PCDH9: variants seen among roughly 807,000 people sequenced by gnomAD.
PCDH9 encodes protocadherin 9, also known as protocadherin-9.
In PCDH9, 24 loss-of-function variants were observed where a neutral mutation model predicts 70.6. The ratio of observed to expected loss-of-function variants is 0.34; its 90% confidence interval spans 0.25 to 0.48. The LOEUF is 0.48. PCDH9 is among the 20% of genes least tolerant of loss of function. PCDH9 has a pLI of 0.99. For synonymous variants in PCDH9, 562 were observed against 558.5 expected (o/e 1.01, Z -0.09); for missense variants, 1,281 against 1,503.6 (o/e 0.85, Z 2.45).
intron 4 of PCDH9, among the ~76,000 whole-genome samples, chr13:66,477,457 T>C (rs2138499764): frequency 6.6e-6 from 1 of 152,256 alleles, no homozygotes; most frequent in South Asian, 2.1e-4. Flanking sequence ...TATATGATAT[T>C]TGAGATGAAC....
At chr13:66,751,259 T>C (rs1230463522) in intron 3 of PCDH9, among the ~76,000 whole-genome samples, 1 of 152,096 alleles carries the variant, frequency 6.6e-6, no homozygotes, top group Non-Finnish European at 1.5e-5. Flanking sequence ...TGCCCCTGGC[T>C]CAATTCTTCT....
rs993275500 is a variant in PCDH9 at position 66,736,694 on chromosome 13, C to A, written c.3139-105283G>T. Reference sequence around the variant, plus strand: ...TGGTCATTGCAACATTTTTAAATGTCCTCAAGCATGGATTTCATAATATGA... The same window carrying A: ...TGGTCATTGCAACATTTTTAAATGTACTCAAGCATGGATTTCATAATATGA... On this transcript the variant is annotated intron_variant, in intron 3 of 4. Transcript: ENST00000377865. Among the ~76,000 whole-genome samples the A allele has an allele frequency of 2.6e-5, 4 of 152,188 alleles. No individual in the cohort carries two copies. In the East Asian group the frequency reaches 7.7e-4, roughly 29 times the overall value.
At chr13:67,086,684 A>C (rs191684997) in intron 2 of PCDH9, among the ~76,000 whole-genome samples, 1 of 152,210 alleles carries the variant, frequency 6.6e-6, no homozygotes, top group East Asian at 1.9e-4. Flanking sequence ...TAGTGAAGGC[A>C]AAGTCATCAA....
intron 3 of PCDH9, among the ~76,000 whole-genome samples, chr13:66,662,980 G>A (rs1269922296): frequency 6.6e-6 from 1 of 152,076 alleles, no homozygotes; most frequent in African/African-American, 2.4e-5. Flanking sequence ...AAATAACAGT[G>A]TATATATGAT....
At chr13:66,558,570 A>G (rs528548765) in intron 4 of PCDH9, among the ~76,000 whole-genome samples, 1 of 152,230 alleles carries the variant, frequency 6.6e-6, no homozygotes, top group East Asian at 1.9e-4. Flanking sequence ...ACTCTGGCAC[A>G]GACAGAAATT....
At position 66,352,348 on chromosome 13, in the gene PCDH9, T is replaced by A. The variant is rs549165134; in HGVS notation, c.3341-47320A>T. Among the ~76,000 whole-genome samples, 4 of 152,310 alleles carry A rather than the reference T, an allele frequency of 2.6e-5. No individual in the cohort carries two copies. The South Asian group carries it at 6.2e-4, about 24-fold the overall frequency. On this transcript the variant is annotated intron_variant, in intron 4 of 4. Coordinates refer to ENST00000377865, the MANE Select transcript of PCDH9 (RefSeq NM_203487.3). ...CTTGCTGTTTTATATACTCTCTATA[T>A]AACTGTATTTGCCTGCTTGGACTGT...
chr13:66,431,996 AT>A (rs1278328488), intron 4 of PCDH9, among the ~76,000 whole-genome samples: 1 of 151,958 alleles, frequency 6.6e-6, no homozygotes, highest in Non-Finnish European at 1.5e-5. Context: ...AGTTTCTCAA[AT>A]GTGCTTACAA....
intron 4 of PCDH9, among the ~76,000 whole-genome samples, chr13:66,504,464 A>G (rs991594871): frequency 2.6e-5 from 4 of 152,182 alleles, no homozygotes; most frequent in African/African-American, 9.7e-5. Context: ...ATTCCAGCTG[A>G]ACACAGCTGC....
At chr13:67,160,643 T>A (rs1314982943) in intron 2 of PCDH9, among the ~76,000 whole-genome samples, 1 of 152,116 alleles carries the variant, frequency 6.6e-6, no homozygotes, top group African/African-American at 2.4e-5. Context: ...CAGGTTGAAA[T>A]ACTCTTCACA....
intron 4 of PCDH9, among the ~76,000 whole-genome samples, chr13:66,395,599 A>AAAATAAATAAATAAAT (rs71205585): frequency 6.6e-6 from 1 of 150,798 alleles, no homozygotes; most frequent in African/African-American, 2.4e-5. Context: ...ACTCTGTCTC[A>AAAATAAATAAATAAAT]AAATAAATAA....
At chr13:66,948,769 C>A (rs1292970575) in intron 2 of PCDH9, among the ~76,000 whole-genome samples, 1 of 152,034 alleles carries the variant, frequency 6.6e-6, no homozygotes, top group Non-Finnish European at 1.5e-5. Flanking sequence ...TAAATGAAGA[C>A]CAAGTTTTTC....
At chr13:66,466,058 T>C (rs554092507) in intron 4 of PCDH9, among the ~76,000 whole-genome samples, 1 of 152,128 alleles carries the variant, frequency 6.6e-6, no homozygotes, top group Admixed American at 6.6e-5. Context: ...TGAAATTACT[T>C]TTTTTCACAT....
chr13:66,421,601 C>T (rs1002853658), intron 4 of PCDH9, among the ~76,000 whole-genome samples: 1 of 152,156 alleles, frequency 6.6e-6, no homozygotes, highest in Non-Finnish European at 1.5e-5. Context: ...CTTTTACAGA[C>T]AAGCAAATGC....
intron 4 of PCDH9, among the ~76,000 whole-genome samples, chr13:66,322,061 G>GT (rs1955765697): frequency 6.6e-6 from 1 of 150,874 alleles, no homozygotes; most frequent in East Asian, 1.9e-4. Context: ...CATGGGGGGG[G>GT]TGTGATTATT....
intron 3 of PCDH9, among the ~76,000 whole-genome samples, chr13:66,810,679 A>C (rs1276197403): frequency 6.6e-6 from 1 of 151,920 alleles, no homozygotes; most frequent in Non-Finnish European, 1.5e-5. Flanking sequence ...GAGAGCTTAT[A>C]TTATGCTGCA....
At chr13:66,962,414 T>C (rs1594318118) in intron 2 of PCDH9, among the ~76,000 whole-genome samples, 1 of 34,322 alleles carries the variant, frequency 2.9e-5, no homozygotes, top group Non-Finnish European at 5.9e-5. Context: ...ATGTGTCACT[T>C]AATGAGGGTG....
At chr13:66,486,462 C>T (rs75465839) in intron 4 of PCDH9, among the ~76,000 whole-genome samples, 4 of 129,780 alleles carry the variant, frequency 3.1e-5, no homozygotes, top group South Asian at 2.5e-4. Flanking sequence ...GTCCCCCCCC[C>T]ACAAAAAAAT....
chr13:66,363,114 A>G (rs1037634335), intron 4 of PCDH9, among the ~76,000 whole-genome samples: 2 of 152,072 alleles, frequency 1.3e-5, no homozygotes, highest in Non-Finnish European at 2.9e-5. Flanking sequence ...AGGAGGCAAA[A>G]GTTGCAGTGA....
At chr13:66,874,251 C>T (rs1024208424) in intron 3 of PCDH9, among the ~76,000 whole-genome samples, 2 of 152,182 alleles carry the variant, frequency 1.3e-5, no homozygotes, top group East Asian at 1.9e-4. Flanking sequence ...ATGACAAACT[C>T]AGCCCTGCAA....
Sources: allele counts gnomAD v4.1 joint callset (sites outside exome capture counted in the v4.1 genomes callset), GRCh38; gene constraint gnomAD v4.1.1; transcripts MANE v1.5; gene names NCBI Gene and HGNC (gene_info 2026-07-23, HGNC 2026-07-21).